Variants in NTRK3 observed in about 807,000 individuals in gnomAD.
The protein encoded by NTRK3 is NT-3 growth factor receptor.
Under a neutral mutation model 91.7 loss-of-function variants are expected in NTRK3, and 24 were observed. The observed-to-expected ratio is 0.26, with a 90% CI of 0.19 to 0.37. The LOEUF is 0.37. NTRK3 is among the 10% of genes least tolerant of loss of function. NTRK3 has a pLI of 1.00. For synonymous variants in NTRK3, 483 were observed against 404.0 expected, an observed-to-expected ratio of 1.20 and a Z score of -2.34; for missense variants, 880 against 1,068.9, an observed-to-expected ratio of 0.82 and a Z score of 2.46.
intron 14 of NTRK3, among the ~76,000 whole-genome samples, chr15:87,974,856 TTC>T (rs1488952741): frequency 9.9e-5 from 15 of 152,210 alleles, no homozygotes; most frequent in African/African-American, 3.4e-4. Context: ...CCTGAAAGAC[TTC>T]TCTGTCTTAG....
chr15:87,990,822 C>A (rs374503081), intron 14 of NTRK3, among the ~76,000 whole-genome samples: 57 of 152,282 alleles, frequency 3.7e-4, no homozygotes, highest in African/African-American at 1.3e-3. Flanking sequence ...CTCTCAGTCT[C>A]TTACCTAGTA....
chr15:88,186,165 C>A (rs2046928442), intron 3 of NTRK3, among the ~76,000 whole-genome samples: 2 of 152,342 alleles, frequency 1.3e-5, no homozygotes, highest in South Asian at 2.1e-4. Flanking sequence ...CATGATTGTA[C>A]AGAATACTTC....
At chr15:87,921,985 G>A (rs1235039610) in intron 17 of NTRK3, among the ~76,000 whole-genome samples, 2 of 152,068 alleles carry the variant, frequency 1.3e-5, no homozygotes, top group African/African-American at 4.8e-5. Flanking sequence ...TGGCTTCTCA[G>A]CCTCAGTGGG....
chr15:88,238,697 T>C (rs1422856161), intron 3 of NTRK3, among the ~76,000 whole-genome samples: 1 of 152,252 alleles, frequency 6.6e-6, no homozygotes, highest in Non-Finnish European at 1.5e-5. Context: ...TTTCAAAATA[T>C]AGCCATGTTA....
rs1365968388 is a variant in NTRK3 at position 88,241,899 on chromosome 15, G to C, written c.248+14007C>G. Among the ~76,000 whole-genome samples, 3 of 152,156 alleles carry C rather than the reference G, an allele frequency of 2.0e-5. No homozygotes were observed. The highest frequency in any genetic ancestry group is 7.2e-5 in the African/African-American group (3 of 41,438). ...GCAGGGAGAGGCCAGGAGAGTTGCT[G>C]CTCGGCTGCACACATCCTAGAACGA... is the stretch of plus-strand genomic sequence containing the variant. On this transcript the variant is annotated intron_variant, in intron 3 of 18. Coordinates refer to ENST00000394480, the Ensembl canonical transcript of NTRK3. This position sits in a 1 kb window ranked among gnomAD's most constrained non-coding sequence, Gnocchi z 4.3.
At chr15:87,974,503 T>C (rs751895366) in intron 14 of NTRK3, among the ~76,000 whole-genome samples, 19 of 151,404 alleles carry the variant, frequency 1.3e-4, no homozygotes, top group Middle Eastern at 3.2e-3. Context: ...AAGGATCAGG[T>C]TGGTCTCATC....
chr15:88,043,773 A>C (rs2079877942), intron 13 of NTRK3, among the ~76,000 whole-genome samples: 1 of 152,192 alleles, frequency 6.6e-6, no homozygotes, highest in Non-Finnish European at 1.5e-5. Flanking sequence ...GAGTTAGAAG[A>C]GAAAGAGAGA....
At chr15:88,107,477 T>C (rs1214596186) in intron 13 of NTRK3, among the ~76,000 whole-genome samples, 1 of 152,142 alleles carries the variant, frequency 6.6e-6, no homozygotes, top group Non-Finnish European at 1.5e-5. Flanking sequence ...AATAAAGGCA[T>C]GTCCCTTCCT....
At chr15:88,016,639 G>A (rs770061589) in intron 14 of NTRK3, among the ~76,000 whole-genome samples, 2 of 152,228 alleles carry the variant, frequency 1.3e-5, no homozygotes, top group Non-Finnish European at 2.9e-5. Flanking sequence ...ACTGTAAGAT[G>A]ATGGATACTT....
chr15:87,982,981 C>G (rs2074421881), intron 14 of NTRK3, among the ~76,000 whole-genome samples: 1 of 152,204 alleles, frequency 6.6e-6, no homozygotes, highest in South Asian at 2.1e-4. Context: ...ACAGACCTCT[C>G]CTTCTCCTTC....
chr15:88,213,549 G>A (rs932584035), intron 3 of NTRK3, among the ~76,000 whole-genome samples: 3 of 152,198 alleles, frequency 2.0e-5, no homozygotes, highest in South Asian at 2.1e-4. Context: ...TCTGGGGTAC[G>A]AGGAGAGCTC....
At chr15:88,105,491 T>C (rs186253234) in intron 13 of NTRK3, among the ~76,000 whole-genome samples, 3 of 152,280 alleles carry the variant, frequency 2.0e-5, no homozygotes, top group East Asian at 1.9e-4. Context: ...CACACAGCCA[T>C]GCAGTCCCAG....
At chr15:88,091,930 T>C (rs2150764187) in intron 13 of NTRK3, among the ~76,000 whole-genome samples, 1 of 152,342 alleles carries the variant, frequency 6.6e-6, no homozygotes, top group Non-Finnish European at 1.5e-5. Context: ...AAAACCACCA[T>C]GAATCTGCCC....
intron 15 of NTRK3, among the ~76,000 whole-genome samples, chr15:87,938,681 T>C (rs780430541): frequency 4.6e-5 from 7 of 152,198 alleles, no homozygotes; most frequent in Non-Finnish European, 7.3e-5. Context: ...CTGCTGAAAG[T>C]GCAAAAATGT....
At chr15:87,874,812 A>G (rs1480557848) in exon 19 of NTRK3, 3 of 231,732 alleles carry the variant, frequency 1.3e-5, no homozygotes, top group Non-Finnish European at 2.6e-5. Flanking sequence ...TGGAAAGACA[A>G]GAGGAGTAAT....
intron 13 of NTRK3, chr15:88,072,367 C>G (rs2047167361): frequency 5.0e-6 from 1 of 200,244 alleles, no homozygotes; most frequent in South Asian, 1.9e-4. Flanking sequence ...GTGACGCAGA[C>G]CAGCTCAGCT....
At chr15:88,002,168 GTTTTTTTTTTTTTTTT>G (rs770668339) in intron 14 of NTRK3, among the ~76,000 whole-genome samples, 4 of 70,162 alleles carry the variant, frequency 5.7e-5, no homozygotes, top group Non-Finnish European at 1.1e-4. Flanking sequence ...GATAGTGGTT[GTTTTTTTTTTTTTTTT>G]TTTTTTTTTT....
chr15:88,188,840 C>A (rs953130946), intron 3 of NTRK3, among the ~76,000 whole-genome samples: 2 of 152,232 alleles, frequency 1.3e-5, no homozygotes, highest in Admixed American at 1.3e-4. Flanking sequence ...TGGCTGGAAC[C>A]CACTGGCCAA....
At chr15:87,983,434 G>C (rs549168661) in intron 14 of NTRK3, among the ~76,000 whole-genome samples, 2 of 152,266 alleles carry the variant, frequency 1.3e-5, no homozygotes, top group African/African-American at 4.8e-5. Context: ...GGAGCCCCGA[G>C]CAATACCCAA....
Sources: gnomAD v4.1 joint callset for allele counts (sites outside exome capture counted in the v4.1 genomes callset) on GRCh38, gnomAD v4.1.1 for gene constraint, Gnocchi (gnomAD v3.1) non-coding constraint, MANE v1.5 for transcripts, NCBI Gene and HGNC (gene_info 2026-07-23, HGNC 2026-07-21) for gene names.